OXR1: variants seen among roughly 807,000 people sequenced by gnomAD.
OXR1 encodes oxidation resistance 1, also known as oxidation resistance protein 1.
A neutral mutation model predicts 104.6 loss-of-function variants in OXR1; 41 were observed. The observed-to-expected ratio is 0.39, with a 90% CI of 0.31 to 0.51. The LOEUF (loss-of-function observed/expected upper bound fraction) is 0.51. Ranked by LOEUF, OXR1 falls within the 20% of genes least tolerant of loss-of-function variation. The pLI is 0.77. For synonymous variants in OXR1, 348 were observed against 348.4 expected (o/e 1.00, Z 0.01); for missense variants, 955 against 1,031.9 (o/e 0.93, Z 1.02).
chr8:106,537,608 C>T (rs373713458), intron 3 of OXR1, among the ~76,000 whole-genome samples: 6 of 152,002 alleles, frequency 3.9e-5, no homozygotes, highest in Non-Finnish European at 5.9e-5. Flanking sequence ...GTGCAGCAAA[C>T]GAACATGGCA....
At chr8:106,613,863 T>C (rs924053166) in intron 3 of OXR1, among the ~76,000 whole-genome samples, 1 of 152,270 alleles carries the variant, frequency 6.6e-6, no homozygotes, top group Non-Finnish European at 1.5e-5. Context: ...TCTGGAATTC[T>C]TTCCCTTGCA....
intron 2 of OXR1, among the ~76,000 whole-genome samples, chr8:106,398,038 A>G (rs1046901419): frequency 8.6e-5 from 13 of 151,988 alleles, no homozygotes; most frequent in Non-Finnish European, 1.9e-4. Flanking sequence ...TCTCCTTCAC[A>G]TGGCCTTCTC....
At chr8:106,610,150 T>C (rs1308118132) in intron 3 of OXR1, among the ~76,000 whole-genome samples, 2 of 151,728 alleles carry the variant, frequency 1.3e-5, no homozygotes, top group Non-Finnish European at 2.9e-5. Flanking sequence ...TTGCCTTCAG[T>C]GTTCTTTGGC....
intron 3 of OXR1, among the ~76,000 whole-genome samples, chr8:106,557,819 G>T (rs1406127533): frequency 6.6e-6 from 1 of 152,212 alleles, no homozygotes; most frequent in Non-Finnish European, 1.5e-5. Context: ...TCTCTCAGAA[G>T]TGGGTTCTTT....
Position 106,352,985 on chromosome 8 carries a change from A to C in OXR1, c.-138-6491A>C, listed in dbSNP as rs561669844. Among the ~76,000 whole-genome samples, 11 of 152,330 alleles carry C rather than the reference A, an allele frequency of 7.2e-5. No homozygotes were observed. The East Asian group carries it at 2.1e-3, about 29-fold the overall frequency. The stretch of plus-strand genomic sequence containing the variant: ...CTCTTTTAAAATCTTGTCTCTAGAG[A>C]AAGTTTACCTTAAGGGAAAAGTAAA... On this transcript the variant is annotated intron_variant, in intron 1 of 16. Transcript: ENST00000517566.
chr8:106,745,465 C>T (rs1254511055), intron 15 of OXR1, among the ~76,000 whole-genome samples: 3 of 152,026 alleles, frequency 2.0e-5, no homozygotes, highest in African/African-American at 7.2e-5. Flanking sequence ...TTTTTTTCAA[C>T]TCATTTACTT....
At chr8:106,719,418 C>T (rs896267333) in intron 11 of OXR1, among the ~76,000 whole-genome samples, 1 of 152,148 alleles carries the variant, frequency 6.6e-6, no homozygotes, top group African/African-American at 2.4e-5. Context: ...TCTTCTGTGT[C>T]CCTCCTTTTC....
chr8:106,444,798 AT>A lies in OXR1; in HGVS notation c.24-74139del, dbSNP rs1819946121. 2.0e-5 allele frequency among the ~76,000 whole-genome samples: 3 copies of A among 152,232 alleles called. No homozygotes were observed. The South Asian group carries it at 6.2e-4, about 32-fold the overall frequency. ...CCTGCACGTTCTGCACATGTATCCC[AT>A]TTTTTAAAGAAGATATATTAAAAAG... On this transcript the variant is annotated intron_variant, in intron 2 of 16. Coordinates refer to ENST00000517566, the MANE Select transcript of OXR1 (RefSeq NM_001198533.2).
chr8:106,319,581 A>G (rs1407110541), intron 1 of OXR1, among the ~76,000 whole-genome samples: 3 of 152,222 alleles, frequency 2.0e-5, no homozygotes, highest in Non-Finnish European at 4.4e-5. Context: ...GAAATATGAC[A>G]GTTTGCAGAA....
intron 3 of OXR1, among the ~76,000 whole-genome samples, chr8:106,640,031 G>GT (rs2130935562): frequency 6.6e-6 from 1 of 152,262 alleles, no homozygotes; most frequent in South Asian, 2.1e-4. Flanking sequence ...GATGGTGAAT[G>GT]TCTTACTTTG....
At chr8:106,344,122 G>A (rs1815375371) in intron 1 of OXR1, among the ~76,000 whole-genome samples, 1 of 152,192 alleles carries the variant, frequency 6.6e-6, no homozygotes, top group African/African-American at 2.4e-5. Flanking sequence ...CACAGCACCA[G>A]ATGACTTTTA....
chr8:106,584,568 T>C (rs1198783396), intron 3 of OXR1, among the ~76,000 whole-genome samples: 1 of 152,088 alleles, frequency 6.6e-6, no homozygotes, highest in African/African-American at 2.4e-5. Flanking sequence ...ATAGCAATAC[T>C]AGAAGCTACG....
At position 106,391,863 on chromosome 8, in the gene OXR1, G is replaced by A. The variant is rs12334537; in HGVS notation, c.23+32227G>A. Among the ~76,000 whole-genome samples, 608 of 152,158 alleles carry A rather than the reference G, an allele frequency of 4.0e-3. 4 individuals are homozygous for A. The highest frequency in any genetic ancestry group is 0.014 in the African/African-American group (589 of 41,496). Reference sequence around the variant, plus strand: ...AAGGCATCTGCAGATCTGTAATCCAGAAGTACCAATCAAAACACTGAGGGC... The same window carrying A: ...AAGGCATCTGCAGATCTGTAATCCAAAAGTACCAATCAAAACACTGAGGGC... On this transcript the variant is annotated intron_variant, in intron 2 of 16. Coordinates refer to ENST00000517566, the MANE Select transcript of OXR1 (RefSeq NM_001198533.2).
intron 3 of OXR1, among the ~76,000 whole-genome samples, chr8:106,563,049 A>G (rs1816796252): frequency 6.6e-6 from 1 of 152,218 alleles, no homozygotes; most frequent in Non-Finnish European, 1.5e-5. Flanking sequence ...GACACGACAA[A>G]GAAACTGCAG....
chr8:106,551,921 C>T (rs1318897265), intron 3 of OXR1, among the ~76,000 whole-genome samples: 2 of 139,470 alleles, frequency 1.4e-5, no homozygotes, highest in Non-Finnish European at 3.1e-5. Flanking sequence ...TATATAGCGG[C>T]CATGGTGGTG....
At chr8:106,374,725 C>A (rs1440063238) in intron 2 of OXR1, among the ~76,000 whole-genome samples, 1 of 152,166 alleles carries the variant, frequency 6.6e-6, no homozygotes, top group Non-Finnish European at 1.5e-5. Context: ...GCAGCAGCAA[C>A]AGAGACAGAA....
chr8:106,287,570 A>G (rs1812551446), intron 1 of OXR1, among the ~76,000 whole-genome samples: 1 of 152,148 alleles, frequency 6.6e-6, no homozygotes, highest in Admixed American at 6.5e-5. Flanking sequence ...AGAATGTACT[A>G]AGGTGTTTAT....
intron 1 of OXR1, among the ~76,000 whole-genome samples, chr8:106,287,676 C>G (rs987460802): frequency 1.3e-5 from 2 of 151,094 alleles, no homozygotes; most frequent in Non-Finnish European, 2.9e-5. Context: ...AAAATCTGTG[C>G]AAAAGAAAGT....
chr8:106,314,708 A>G (rs953495752), intron 1 of OXR1, among the ~76,000 whole-genome samples: 4 of 152,210 alleles, frequency 2.6e-5, no homozygotes, highest in Admixed American at 2.0e-4. Context: ...ACTCAAACCC[A>G]GTTCATTCTG....
Sources: allele counts gnomAD v4.1 joint callset (sites outside exome capture counted in the v4.1 genomes callset), GRCh38; gene constraint gnomAD v4.1.1; transcripts MANE v1.5; gene names NCBI Gene and HGNC (gene_info 2026-07-23, HGNC 2026-07-21).